TKTL1: variants seen among roughly 807,000 people sequenced by gnomAD.
The protein encoded by TKTL1 is transketolase like 1, also known as transketolase-like protein 1.
Under a neutral mutation model 39.3 loss-of-function variants are expected in TKTL1, and 1 was observed. That is an observed-to-expected ratio of 0.03 (90% CI 0.01 to 0.12). The LOEUF is 0.12. TKTL1 is among the 10% of genes least tolerant of loss of function. TKTL1 has a pLI of 1.00. For missense variants in TKTL1, 575 were observed against 509.6 expected (o/e 1.13, Z -1.24); for synonymous variants, 262 against 193.8 (o/e 1.35, Z -2.92).
intron 12 of TKTL1, among the ~76,000 whole-genome samples, 174 bp downstream of exon 12, chrX:154,328,132 CAG>C (rs72236474): frequency 0.024 from 2,719 of 112,087 alleles, 89 homozygotes; most frequent in African/African-American, 0.083. Context: ...GTGTCCCCAA[CAG>C]AGTGCACAGT....
chrX:154,315,627 G>A (rs1369555593), intron 7 of TKTL1, among the ~76,000 whole-genome samples: 3 of 111,402 alleles, frequency 2.7e-5, no homozygotes, highest in Non-Finnish European at 3.8e-5. Context: ...TGAACCCAGG[G>A]CTCTGGGCCT....
chrX:154,296,053 C>CTG, intron 1 of TKTL1, 60 bp downstream of exon 1: 2 of 1,177,386 alleles, frequency 1.7e-6, no homozygotes, highest in African/African-American at 3.5e-5. Context: ...GGCTTCAGGC[C>CTG]TGGTGGCCAT....
chrX:154,307,128 C>T (rs2067321183), intron 2 of TKTL1, among the ~76,000 whole-genome samples: 1 of 109,976 alleles, frequency 9.1e-6, no homozygotes, highest in Non-Finnish European at 1.9e-5. Context: ...CGAAAATTAG[C>T]TGGGCGTGGT....
chrX:154,325,494 A>G lies in TKTL1; in HGVS notation c.1401+72A>G. 1.1e-5 allele frequency: 10 copies of G among 923,400 alleles called. No homozygotes were observed. The South Asian group carries it at 2.2e-4, about 20-fold the overall frequency. The allele number at this position is 923,400 out of a possible 1,213,427, so 76.1% of individuals were successfully genotyped here. On this transcript the variant is annotated intron_variant, in intron 10 of 12. Transcript: ENST00000369915. ...AAAGAACACTTCTGAATCTATCACC[A>G]GCTATCTTCAGAGTTGAGACATCAT...
In TKTL1 at chrX:154,330,331, A is replaced by G. The variant is rs2067528593; in HGVS notation, c.*643A>G. The G allele has an allele frequency of 4.5e-5, 5 of 111,247 alleles. No homozygotes were observed. The highest frequency in any genetic ancestry group is 1.6e-4 in the African/African-American group (5 of 30,534). The allele number at this position is 111,247 out of a possible 1,213,427, so 9.2% of individuals were successfully genotyped here. Reference sequence around the variant, plus strand: ...ACACTGTACTGTTCAAGTCAATGTTAATAAAGCATTTCAAAACCAGCTGCT... The same window carrying G: ...ACACTGTACTGTTCAAGTCAATGTTGATAAAGCATTTCAAAACCAGCTGCT... On this transcript the variant is annotated 3_prime_UTR_variant, in exon 13 of 13. Coordinates refer to ENST00000369915, the MANE Select transcript of TKTL1 (RefSeq NM_012253.4).
chrX:154,321,446 A>G (rs1355476755), intron 8 of TKTL1, among the ~76,000 whole-genome samples: 1 of 89,905 alleles, frequency 1.1e-5, no homozygotes, highest in Non-Finnish European at 2.1e-5. Context: ...AGGAAACCAC[A>G]GGAAACGGGA....
intron 1 of TKTL1, among the ~76,000 whole-genome samples, chrX:154,304,446 A>G (rs1342299552): frequency 4.6e-5 from 5 of 108,548 alleles, no homozygotes; most frequent in South Asian, 3.9e-4. Context: ...CTTTTTTTTT[A>G]TCAGGCTGGG....
At position 154,296,013 on chromosome X, in the gene TKTL1, G is replaced by A; in HGVS notation, c.134+20G>A. The A allele has an allele frequency of 1.7e-6, 2 of 1,208,677 alleles. No homozygotes were observed. Among genetic ancestry groups the A allele is most frequent in the East Asian group, 3.0e-5 (1 of 33,803 alleles). On this transcript the variant is annotated intron_variant, in intron 1 of 12. Coordinates refer to ENST00000369915, the MANE Select transcript of TKTL1 (RefSeq NM_012253.4). ...CTCCGGGTAAGTTCTCCTCATTGAA[G>A]TCTGGGTCATGCAGGGCCACGGGCC... is the stretch of plus-strand genomic sequence containing the variant.
At position 154,303,569 on chromosome X, in the gene TKTL1, C is replaced by G. The variant is rs1165662429; in HGVS notation, c.135-1735C>G. Among the ~76,000 whole-genome samples, 87 of 104,326 alleles carry G rather than the reference C, an allele frequency of 8.3e-4. 2 individuals carry two copies. Among genetic ancestry groups the G allele is most frequent in the Non-Finnish European group, 2.3e-4 (12 of 51,065 alleles). The allele number at this position is 104,326 out of a possible 115,157, so 90.6% of individuals were successfully genotyped here. On this transcript the variant is annotated intron_variant, in intron 1 of 12. Transcript: ENST00000369915. ...TATCATTCCCTCTTCCCTCGTCTTCCTTGGCTTTCCTCCTCACACCTCCTG... is the reference window on the plus strand; with the variant it reads ...TATCATTCCCTCTTCCCTCGTCTTCGTTGGCTTTCCTCCTCACACCTCCTG...
At chrX:154,321,081 G>A (rs189039379) in intron 8 of TKTL1, among the ~76,000 whole-genome samples, 168 bp downstream of exon 8, 1 of 108,204 alleles carries the variant, frequency 9.2e-6, no homozygotes, top group East Asian at 2.9e-4. Flanking sequence ...GACTCTCAGG[G>A]CAACTTTTGA....
intron 2 of TKTL1, among the ~76,000 whole-genome samples, chrX:154,307,097 C>T (rs1476014444): frequency 9.0e-6 from 1 of 110,752 alleles, no homozygotes; most frequent in Non-Finnish European, 1.9e-5. Context: ...CATAGCAAGA[C>T]CCCAGTGTCT....
chrX:154,312,741 A>T lies in TKTL1; in HGVS notation c.832A>T (p.Thr278Ser), dbSNP rs1557168640. ...AGTCAACATCACAGATGTAAGGATG[A>T]CCTCTCCACCTGATTACAGAGTTGG... ...PEVNITDVRMTSPPDYRVGDK... is the reference protein window; with the variant it reads ...PEVNITDVRMSSPPDYRVGDK... Residue 278 changes from threonine to serine, a missense_variant, in exon 6 of 13, where the codon ACC becomes TCC. Coordinates refer to ENST00000369915, the MANE Select transcript of TKTL1 (RefSeq NM_012253.4). The T allele has an allele frequency of 8.3e-7, 1 of 1,205,290 alleles. No individual in the cohort carries two copies. Among genetic ancestry groups the T allele is most frequent in the Non-Finnish European group, 1.1e-6 (1 of 893,388 alleles).
At chrX:154,324,151 G>T (rs5986970) in intron 9 of TKTL1, among the ~76,000 whole-genome samples, 36,149 of 109,369 alleles carry the variant, frequency 0.33, 6,183 homozygotes, top group African/African-American at 0.66. Context: ...TGTTTTTTGG[G>T]TTTTTTTTCT....
In TKTL1 at chrX:154,323,253, C is replaced by T. The variant is rs782313902; in HGVS notation, c.1233C>T (p.Phe411=). ...SQMALEDIAM[F]RTIPKCTIFY... is the part of the protein sequence containing the mutation. ...TGGCCCTGGAGGATATAGCCATGTTCCGAACCATTCCCAAGTGCACGATCT... is the reference window on the plus strand; with the variant it reads ...TGGCCCTGGAGGATATAGCCATGTTTCGAACCATTCCCAAGTGCACGATCT... Residue 411 remains phenylalanine, a synonymous_variant, in exon 9 of 13, where the codon TTC becomes TTT. Transcript: ENST00000369915. 11 of 1,209,374 alleles carry T rather than the reference C, an allele frequency of 9.1e-6. No homozygotes were observed. In the Admixed American group the frequency reaches 2.2e-4, roughly 24 times the overall value.
chrX:154,315,125 T>C, intron 6 of TKTL1, 48 bp from the exon 7 acceptor site: 1 of 1,148,990 alleles, frequency 8.7e-7, no homozygotes, highest in Non-Finnish European at 1.2e-6. Context: ...TCGTTCCTTC[T>C]AAATGCATTT....
intron 9 of TKTL1, 116 bp from the exon 10 acceptor site, chrX:154,325,223 C>T (rs1022659259): frequency 4.0e-5 from 28 of 708,571 alleles, no homozygotes; most frequent in Non-Finnish European, 5.7e-5. Flanking sequence ...TCTCCAAAGC[C>T]TGTGTTTTTA....
intron 1 of TKTL1, among the ~76,000 whole-genome samples, chrX:154,300,363 C>T (rs782625084): frequency 8.9e-6 from 1 of 112,189 alleles, no homozygotes; most frequent in African/African-American, 3.2e-5. Flanking sequence ...TTGCTTTGGG[C>T]AGTATGGCCA....
At chrX:154,309,047 T>C (rs1389965020) in intron 2 of TKTL1, among the ~76,000 whole-genome samples, 3 of 111,095 alleles carry the variant, frequency 2.7e-5, no homozygotes, top group Non-Finnish European at 5.7e-5. Flanking sequence ...TGCCATACTG[T>C]ATGGATTACC....
chrX:154,317,209 T>A (rs782701007), intron 7 of TKTL1, among the ~76,000 whole-genome samples: 3 of 112,370 alleles, frequency 2.7e-5, no homozygotes, highest in African/African-American at 9.7e-5. Context: ...CCTGCTGATA[T>A]GTTCTCACAG....
Sources: allele counts gnomAD v4.1 joint callset (sites outside exome capture counted in the v4.1 genomes callset), GRCh38; gene constraint gnomAD v4.1.1; transcripts MANE v1.5; gene names NCBI Gene and HGNC (gene_info 2026-07-23, HGNC 2026-07-21).